The following ADCK1 variants were observed in gnomAD, a reference collection of about 807,000 sequenced individuals.
The protein encoded by ADCK1 is aarF domain containing kinase 1.
In ADCK1, 41 loss-of-function variants were observed where a neutral mutation model predicts 52.3. The observed-to-expected ratio is 0.78, with a 90% CI of 0.61 to 1.02. The LOEUF (loss-of-function observed/expected upper bound fraction) is 1.02, where lower values mean the gene tolerates loss of function less well. ADCK1 is among the 50% of genes least tolerant of loss of function. The pLI is 0.00. For missense variants in ADCK1, 658 were observed against 679.5 expected (o/e 0.97, Z 0.35); for synonymous variants, 250 against 274.6 (o/e 0.91, Z 0.89).
chr14:77,848,613 G>A (rs1359340028), intron 3 of ADCK1, among the ~76,000 whole-genome samples: 3 of 151,904 alleles, frequency 2.0e-5, no homozygotes, highest in South Asian at 2.1e-4. Context: ...TTATTGGCAC[G>A]TGCCACCATG....
At chr14:77,839,848 A>C (rs2082029786) in intron 3 of ADCK1, among the ~76,000 whole-genome samples, 1 of 142,512 alleles carries the variant, frequency 7.0e-6, no homozygotes, top group Non-Finnish European at 1.5e-5. Context: ...GAACCCGGGA[A>C]GTCGAGGCTG....
At chr14:77,904,942 C>T (rs999925906) in intron 6 of ADCK1, among the ~76,000 whole-genome samples, 1 of 152,116 alleles carries the variant, frequency 6.6e-6, no homozygotes, top group Non-Finnish European at 1.5e-5. Context: ...TGTGGGCGCT[C>T]ACTTCACCCC....
intron 7 of ADCK1, among the ~76,000 whole-genome samples, chr14:77,919,516 T>A (rs1197968705): frequency 6.6e-6 from 1 of 152,250 alleles, no homozygotes; most frequent in Non-Finnish European, 1.5e-5. Context: ...TGGTTCCATA[T>A]TTTTGCAATT....
At chr14:77,927,528 A>C (rs2140299635) in intron 9 of ADCK1, among the ~76,000 whole-genome samples, 1 of 152,306 alleles carries the variant, frequency 6.6e-6, no homozygotes, top group Middle Eastern at 3.4e-3. Flanking sequence ...TGTAATTTAC[A>C]CTTTGGTTGA....
At chr14:77,823,904 T>C (rs1048429205) in intron 3 of ADCK1, among the ~76,000 whole-genome samples, 30 of 151,330 alleles carry the variant, frequency 2.0e-4, no homozygotes, top group African/African-American at 6.8e-4. Context: ...ATTCATTTAT[T>C]TGTTTATTTT....
intron 3 of ADCK1, among the ~76,000 whole-genome samples, chr14:77,855,755 C>T (rs1363718769): frequency 6.6e-6 from 1 of 152,166 alleles, no homozygotes; most frequent in Non-Finnish European, 1.5e-5. Context: ...GCTGGATTCT[C>T]TCTAATCAAA....
In ADCK1 at chr14:77,859,170, A is replaced by G; in HGVS notation, c.314A>G (p.Tyr105Cys). The change falls in exon 4 of 11, where the codon TAC becomes TGC. Residue 105 changes from tyrosine to cysteine, a missense_variant. Physicochemically the swap from Tyr to Cys is radical, Grantham distance 194. Coordinates refer to ENST00000238561, the MANE Select transcript of ADCK1 (RefSeq NM_020421.4). ...KVGQHLGALD[Y>C]LLPEEYTSTL... is the part of the protein sequence containing the mutation. Reference sequence around the variant, plus strand: ...GGCCAGCACCTGGGGGCTCTGGACTACCTGTTGCCAGAGGAGTACACCAGC... The same window carrying G: ...GGCCAGCACCTGGGGGCTCTGGACTGCCTGTTGCCAGAGGAGTACACCAGC... 1.1e-5 allele frequency: 18 copies of G among 1,613,950 alleles called. No homozygotes were observed. Among genetic ancestry groups the G allele is most frequent in the Non-Finnish European group, 1.4e-5 (17 of 1,179,984 alleles).
In ADCK1 at chr14:77,821,431, C is replaced by T. The variant is rs147354264; in HGVS notation, c.136-1004C>T. Among the ~76,000 whole-genome samples the T allele has an allele frequency of 6.6e-3, 1,009 of 152,192 alleles. 9 individuals are homozygous for T. Among genetic ancestry groups the T allele is most frequent in the African/African-American group, 0.023 (968 of 41,558 alleles). On this transcript the variant is annotated intron_variant, in intron 2 of 10. Coordinates refer to ENST00000238561, the MANE Select transcript of ADCK1 (RefSeq NM_020421.4). The stretch of plus-strand genomic sequence containing the variant: ...CAAAGGAAGAAACTCTTCTTAATAT[C>T]AACTTTGTAAGTCCCTGAACTTCTA...
intron 4 of ADCK1, among the ~76,000 whole-genome samples, chr14:77,873,486 AC>A (rs968083172): frequency 2.6e-5 from 4 of 152,182 alleles, no homozygotes; most frequent in African/African-American, 9.7e-5. Context: ...CCTGCATGTA[AC>A]CGGGCAGTGT....
chr14:77,858,725 C>G (rs370212790), intron 3 of ADCK1, among the ~76,000 whole-genome samples: 1 of 152,156 alleles, frequency 6.6e-6, no homozygotes, highest in South Asian at 2.1e-4. Flanking sequence ...TACTTTAACT[C>G]TGTGTCCCTT....
At chr14:77,859,677 A>G (rs2082501723) in intron 4 of ADCK1, among the ~76,000 whole-genome samples, 1 of 152,204 alleles carries the variant, frequency 6.6e-6, no homozygotes. Flanking sequence ...ACTGTGGTTT[A>G]GACTCTAGAG....
intron 4 of ADCK1, among the ~76,000 whole-genome samples, chr14:77,868,293 G>C (rs1324972227): frequency 6.6e-6 from 1 of 152,192 alleles, no homozygotes; most frequent in Non-Finnish European, 1.5e-5. Flanking sequence ...CAGGTCTCCT[G>C]ATTCCTGATC....
chr14:77,910,329 T>C (rs1028566151), intron 7 of ADCK1, among the ~76,000 whole-genome samples: 2 of 152,090 alleles, frequency 1.3e-5, no homozygotes, highest in Non-Finnish European at 2.9e-5. Context: ...CAAATGTCTT[T>C]CCTGAGGTCA....
chr14:77,846,282 G>A lies in ADCK1; in HGVS notation c.220-12794G>A, dbSNP rs72688869. On this transcript the variant is annotated intron_variant, in intron 3 of 10. Coordinates refer to ENST00000238561, the MANE Select transcript of ADCK1 (RefSeq NM_020421.4). ...CTTCTCACAGCTGCCTCTCCTATAGGCTTAGAAAGCAGGGCCTAGTCAAAG... is the reference window on the plus strand; with the variant it reads ...CTTCTCACAGCTGCCTCTCCTATAGACTTAGAAAGCAGGGCCTAGTCAAAG... Among the ~76,000 whole-genome samples, 1,501 of 152,228 alleles carry A rather than the reference G, an allele frequency of 9.9e-3. 8 individuals carry two copies. Among genetic ancestry groups the A allele is most frequent in the Middle Eastern group, 0.031 (9 of 292 alleles).
At position 77,929,116 on chromosome 14, in the gene ADCK1, C is replaced by T. The variant is rs190109595; in HGVS notation, c.1207-2402C>T. Among the ~76,000 whole-genome samples, 689 of 152,338 alleles carry T rather than the reference C, an allele frequency of 4.5e-3. 9 individuals carry two copies. Among genetic ancestry groups the T allele is most frequent in the African/African-American group, 0.015 (643 of 41,576 alleles). ...CAGATAGATCATAAAGTTAGCTACT[C>T]CAGGTCAGCCTGGTCTCAGGGATCC... On this transcript the variant is annotated intron_variant, in intron 9 of 10. Coordinates refer to ENST00000238561, the MANE Select transcript of ADCK1 (RefSeq NM_020421.4).
intron 3 of ADCK1, among the ~76,000 whole-genome samples, chr14:77,850,101 G>A (rs982870764): frequency 6.6e-6 from 1 of 152,108 alleles, no homozygotes; most frequent in African/African-American, 2.4e-5. Context: ...CAGCTACTGG[G>A]GAGGCCAAAA....
chr14:77,814,435 A>AC (rs1373857900), intron 1 of ADCK1, among the ~76,000 whole-genome samples: 2 of 150,284 alleles, frequency 1.3e-5, no homozygotes, highest in Admixed American at 6.7e-5. Flanking sequence ...TGAAAAAAAA[A>AC]ACAAAAAACA....
At position 77,913,312 on chromosome 14, in the gene ADCK1, C is replaced by T. The variant is rs114731039; in HGVS notation, c.858+5393C>T. Among the ~76,000 whole-genome samples, 468 of 152,338 alleles carry T rather than the reference C, an allele frequency of 3.1e-3. 1 individual carries two copies. The highest frequency in any genetic ancestry group is 0.01 in the African/African-American group (432 of 41,574). ...CAGGCCTTGCCAGAAGTGCCATCTG[C>T]GCTCACCCTGCTGATCTGCACCTCC... On this transcript the variant is annotated intron_variant, in intron 7 of 10. Transcript: ENST00000238561.
Position 77,869,762 on chromosome 14 carries a change from C to G in ADCK1, c.423+10483C>G, listed in dbSNP as rs569835000. On this transcript the variant is annotated intron_variant, in intron 4 of 10. Transcript: ENST00000238561. ...GTCTTCTGGGACTCTTGTATCTCTC[C>G]CAGCAACTTCTGTCTGTGGGTCAGC... Among the ~76,000 whole-genome samples the G allele has an allele frequency of 9.4e-4, 143 of 152,240 alleles. 1 individual carries two copies. Among genetic ancestry groups the G allele is most frequent in the Non-Finnish European group, 1.6e-3 (109 of 68,014 alleles).
Sources: allele counts gnomAD v4.1 joint callset (sites outside exome capture counted in the v4.1 genomes callset), GRCh38; gene constraint gnomAD v4.1.1; transcripts MANE v1.5; gene names NCBI Gene and HGNC (gene_info 2026-07-23, HGNC 2026-07-21).